The following NCKAP5 variants were observed in gnomAD, a reference collection of about 807,000 sequenced individuals.
NCKAP5 encodes the protein nck-associated protein 5.
Under a neutral mutation model 167.0 loss-of-function variants are expected in NCKAP5, and 92 were observed. The ratio of observed to expected loss-of-function variants is 0.55; its 90% confidence interval spans 0.47 to 0.66. The LOEUF is 0.66. Among genes scored for constraint, NCKAP5 ranks in the 30% least tolerant of loss-of-function variants. NCKAP5 has a pLI of 0.00. For missense variants in NCKAP5, 2,378 were observed against 2,315.0 expected, an observed-to-expected ratio of 1.03 and a Z score of -0.56; for synonymous variants, 891 against 877.4, an observed-to-expected ratio of 1.02 and a Z score of -0.27.
intron 5 of NCKAP5, among the ~76,000 whole-genome samples, chr2:133,143,763 C>T (rs868389268): frequency 5.3e-5 from 8 of 152,110 alleles, no homozygotes; most frequent in African/African-American, 1.2e-4. Context: ...CACATAGCTG[C>T]CACTGAACCC....
At chr2:132,745,761 C>T (rs563917627) in intron 16 of NCKAP5, among the ~76,000 whole-genome samples, 1 of 151,968 alleles carries the variant, frequency 6.6e-6, no homozygotes, top group South Asian at 2.1e-4. Context: ...TTACATCATA[C>T]AAGGATAATT....
intron 16 of NCKAP5, among the ~76,000 whole-genome samples, chr2:132,745,147 TCATA>T (rs1679530703): frequency 1.3e-5 from 2 of 151,628 alleles, no homozygotes; most frequent in Non-Finnish European, 3.0e-5. Context: ...CTCAAAGACA[TCATA>T]CATAGAGGAA....
chr2:132,780,530 C>T (rs1052790093), intron 15 of NCKAP5, among the ~76,000 whole-genome samples: 2 of 152,056 alleles, frequency 1.3e-5, no homozygotes, highest in African/African-American at 4.8e-5. Context: ...AGCCAAGTTC[C>T]AAAAAAGATT....
At chr2:133,295,276 C>T (rs762198753) in intron 4 of NCKAP5, among the ~76,000 whole-genome samples, 3 of 152,050 alleles carry the variant, frequency 2.0e-5, no homozygotes, top group African/African-American at 4.8e-5. Context: ...CCACTTCCCT[C>T]GATATGTTCC....
At chr2:132,886,779 A>G (rs574747672) in intron 8 of NCKAP5, among the ~76,000 whole-genome samples, 1 of 152,318 alleles carries the variant, frequency 6.6e-6, no homozygotes, top group African/African-American at 2.4e-5. Flanking sequence ...ATACCAATTT[A>G]TCCTATTACT....
chr2:133,212,448 A>G (rs1574397915), intron 5 of NCKAP5, among the ~76,000 whole-genome samples: 1 of 151,930 alleles, frequency 6.6e-6, no homozygotes, highest in Non-Finnish European at 1.5e-5. Context: ...GCTCGCTGCA[A>G]CCTCCGCCTC....
intron 19 of NCKAP5, among the ~76,000 whole-genome samples, chr2:132,689,950 A>C (rs1686505551): frequency 6.6e-6 from 1 of 152,142 alleles, no homozygotes; most frequent in African/African-American, 2.4e-5. Context: ...TGAGATATAG[A>C]TTGATATCTT....
intron 4 of NCKAP5, among the ~76,000 whole-genome samples, chr2:133,274,061 AT>A (rs1290822903): frequency 6.6e-6 from 1 of 151,706 alleles, no homozygotes; most frequent in African/African-American, 2.4e-5. Context: ...CTAGACAAGG[AT>A]CCTTCCATCA....
intron 5 of NCKAP5, among the ~76,000 whole-genome samples, chr2:133,200,276 T>C (rs2085630952): frequency 6.6e-6 from 1 of 152,032 alleles, no homozygotes; most frequent in African/African-American, 2.4e-5. Flanking sequence ...ACAGATAGAC[T>C]AATAGATCAA....
chr2:132,676,505 C>T (rs1684514319), intron 19 of NCKAP5, among the ~76,000 whole-genome samples: 1 of 151,906 alleles, frequency 6.6e-6, no homozygotes, highest in South Asian at 2.1e-4. Context: ...AAGTGGCTTA[C>T]TTTTCTGCCT....
intron 16 of NCKAP5, among the ~76,000 whole-genome samples, chr2:132,739,007 T>C (rs989189479): frequency 8.7e-4 from 132 of 152,308 alleles, no homozygotes; most frequent in African/African-American, 3.0e-3. Flanking sequence ...CCAAACTATA[T>C]AAACTATGCT....
At position 133,273,180 on chromosome 2, in the gene NCKAP5, G is replaced by A. The variant is rs147195617; in HGVS notation, c.143+29857C>T. On this transcript the variant is annotated intron_variant, in intron 4 of 19. Transcript: ENST00000409261. Reference sequence around the variant, plus strand: ...ACATTCCCACCAGCAATGTCTCAGCGTTCTAATGTCTCCACAGCCTCTCCA... The same window carrying A: ...ACATTCCCACCAGCAATGTCTCAGCATTCTAATGTCTCCACAGCCTCTCCA... Among the ~76,000 whole-genome samples, 365 of 152,232 alleles carry A rather than the reference G, an allele frequency of 2.4e-3. 2 individuals are homozygous for A. The highest frequency in any genetic ancestry group is 4.2e-3 in the Non-Finnish European group (283 of 67,994).
intron 4 of NCKAP5, among the ~76,000 whole-genome samples, chr2:133,236,919 A>T (rs2087447218): frequency 6.6e-6 from 1 of 152,148 alleles, no homozygotes; most frequent in South Asian, 2.1e-4. Flanking sequence ...CATTAGGTAT[A>T]TCCCCTAATG....
upstream of NCKAP5, among the ~76,000 whole-genome samples, chr2:133,571,299 C>A (rs981063216): frequency 6.6e-6 from 1 of 151,932 alleles, no homozygotes; most frequent in East Asian, 1.9e-4. Context: ...CATACCTTCC[C>A]GAGGGAGAGT....
chr2:132,987,236 G>A (rs2149286707), intron 7 of NCKAP5, among the ~76,000 whole-genome samples: 1 of 151,942 alleles, frequency 6.6e-6, no homozygotes, highest in South Asian at 2.1e-4. Context: ...GAAGTTAATA[G>A]GGGTCTGGCA....
chr2:132,731,927 G>A lies in NCKAP5; in HGVS notation c.5253C>T (p.Leu1751=), dbSNP rs752543719. The change falls in exon 17 of 20, where the codon CTC becomes CTT. Residue 1751 remains leucine, a synonymous_variant. Transcript: ENST00000409261. ...CAGAAAGGGCTGACTGGAGAGGCAGGAGAGGCTCAGCGTCCTCTGGGGAGT... is the reference window on the plus strand; with the variant it reads ...CAGAAAGGGCTGACTGGAGAGGCAGAAGAGGCTCAGCGTCCTCTGGGGAGT... The part of the protein sequence containing the change: ...QPDSPEDAEP[L]LPLQSALSAV... The A allele has an allele frequency of 8.1e-6, 13 of 1,613,974 alleles. No individual in the cohort carries two copies. The highest frequency in any genetic ancestry group is 5.9e-6 in the Non-Finnish European group (7 of 1,179,886).
rs374224681 is a variant in NCKAP5 at position 133,311,543 on chromosome 2, T to A, written c.70-8433A>T. ...GTCAACTCAACCAGAGCTTGGTAGG[T>A]AGGGCTGAAAGTTCCAACCCTTTAA... On this transcript the variant is annotated intron_variant, in intron 3 of 19. Coordinates refer to ENST00000409261, the MANE Select transcript of NCKAP5 (RefSeq NM_207363.3). 3.7e-4 allele frequency among the ~76,000 whole-genome samples: 57 copies of A among 152,246 alleles called. No individual in the cohort carries two copies. In the Middle Eastern group the frequency reaches 0.014, roughly 36 times the overall value.
chr2:133,292,240 C>T (rs77573656), intron 4 of NCKAP5, among the ~76,000 whole-genome samples: 3,017 of 151,716 alleles, frequency 0.02, 102 homozygotes, highest in African/African-American at 0.069. Context: ...GTGAATTTTT[C>T]CAGTAAAATT....
chr2:133,466,993 C>T (rs1280278808), intron 3 of NCKAP5, among the ~76,000 whole-genome samples: 4 of 151,968 alleles, frequency 2.6e-5, no homozygotes, highest in African/African-American at 9.7e-5. Context: ...TAATTGAATA[C>T]CCTTTATTTC....
Sources: allele counts gnomAD v4.1 joint callset (sites outside exome capture counted in the v4.1 genomes callset), GRCh38; gene constraint gnomAD v4.1.1; transcripts MANE v1.5; gene names NCBI Gene and HGNC (gene_info 2026-07-23, HGNC 2026-07-21).